ASAH1: variants seen among roughly 807,000 people sequenced by gnomAD.
ASAH1 encodes acid ceramidase.
ASAH1 carries 70 observed loss-of-function variants against 59.5 expected under a neutral mutation model. The observed-to-expected ratio is 1.18, with a 90% CI of 0.97 to 1.43. The LOEUF is 1.43. Ranked by LOEUF, ASAH1 falls within the 40% of genes most tolerant of loss-of-function variation. The probability of loss-of-function intolerance (pLI) is 0.00; values close to 1 mark genes in which losing one functional copy is unlikely to be tolerated. For synonymous variants in ASAH1, 213 were observed against 166.5 expected, an observed-to-expected ratio of 1.28 and a Z score of -2.15; for missense variants, 660 against 482.5, an observed-to-expected ratio of 1.37 and a Z score of -3.45.
chr8:18,064,130 T>C, intron 6 of ASAH1: 1 of 496,982 alleles, frequency 2.0e-6, no homozygotes, highest in East Asian at 3.2e-5. Flanking sequence ...TACACGAAGA[T>C]AAGGAAGCAC....
At chr8:18,062,670 A>T (rs889664197) in intron 7 of ASAH1, 3 of 516,380 alleles carry the variant, frequency 5.8e-6, no homozygotes, top group African/African-American at 1.9e-5. Context: ...TCAAACATAG[A>T]ATGCTAATTA....
intron 10 of ASAH1, 167 bp from the exon 11 acceptor site, chr8:18,059,870 A>G (rs774191110): frequency 1.1e-5 from 7 of 635,460 alleles, no homozygotes; most frequent in Non-Finnish European, 1.8e-5. Context: ...CCATCAACCC[A>G]TCATCTAAGT....
At chr8:18,064,771 T>C (rs1385494813) in intron 5 of ASAH1, 3 of 470,170 alleles carry the variant, frequency 6.4e-6, no homozygotes, top group South Asian at 3.4e-5. Flanking sequence ...CAGGTTGCAA[T>C]TGTTCTCCAA....
At chr8:18,069,454 C>G (rs1164568102) in intron 4 of ASAH1, 2 of 223,704 alleles carry the variant, frequency 8.9e-6, no homozygotes, top group African/African-American at 4.6e-5. Flanking sequence ...AAAAAAATCT[C>G]TGGATGTCCC....
At chr8:18,084,416 C>G, upstream of ASAH1, 2 of 1,387,588 alleles carry the variant, frequency 1.4e-6, no homozygotes, top group Non-Finnish European at 1.9e-6. Flanking sequence ...CCCGTGGCGC[C>G]TCGATGGGGC....
chr8:18,083,887 T>C lies in ASAH1; in HGVS notation c.78+94A>G, dbSNP rs944369294. On this transcript the variant is annotated intron_variant, in intron 1 of 13. Transcript: ENST00000637790. ...CGTAAAGAAGCTGCCCAGCACGAGG[T>C]GTTCCTTGTACCCGCTCGCGCCGCC... 6.3e-5 allele frequency: 97 copies of C among 1,534,616 alleles called. 1 individual carries two copies. In the East Asian group the frequency reaches 2.3e-3, roughly 36 times the overall value.
At chr8:18,080,549 C>G (rs542048715) in intron 1 of ASAH1, among the ~76,000 whole-genome samples, 102 of 152,118 alleles carry the variant, frequency 6.7e-4, no homozygotes, top group Non-Finnish European at 1.4e-3. Context: ...GTTCCACTTA[C>G]TCTCCTATTT....
intron 2 of ASAH1, chr8:18,073,422 G>T (rs1800257079): frequency 2.3e-6 from 2 of 871,898 alleles, no homozygotes; most frequent in African/African-American, 1.7e-5. Flanking sequence ...CAATGTCCAT[G>T]CCATTCATAA....
chr8:18,075,272 C>T (rs559333661), intron 2 of ASAH1, among the ~76,000 whole-genome samples: 4 of 152,248 alleles, frequency 2.6e-5, no homozygotes, highest in East Asian at 3.9e-4. Context: ...GGATTACAGG[C>T]GTGAGCCACC....
chr8:18,062,648 T>C lies in ASAH1; in HGVS notation c.504-225A>G, dbSNP rs759113229. Reference sequence around the variant, plus strand: ...TCAATATCACACAGCTTATAAATAGTGAGCCTCAGATTCAAACATAGAATG... The same window carrying C: ...TCAATATCACACAGCTTATAAATAGCGAGCCTCAGATTCAAACATAGAATG... On this transcript the variant is annotated intron_variant, in intron 7 of 13. Coordinates refer to ENST00000637790, the MANE Select transcript of ASAH1 (RefSeq NM_177924.5). 1.1e-4 allele frequency: 64 copies of C among 558,290 alleles called. 2 individuals carry two copies. Among genetic ancestry groups the C allele is most frequent in the Non-Finnish European group, 1.2e-4 (38 of 314,524 alleles). 34.6% of individuals were successfully genotyped at this position (558,290 alleles called of 1,614,324 possible). A position where few individuals can be genotyped will look rare whatever the true frequency, so the allele number is the denominator to read the frequency against.
chr8:18,081,938 G>C (rs4921837), intron 1 of ASAH1, among the ~76,000 whole-genome samples: 1 of 152,156 alleles, frequency 6.6e-6, no homozygotes, highest in Admixed American at 6.5e-5. Context: ...TGGCACAGGA[G>C]GGTCCAAATT....
In ASAH1 at chr8:18,064,492, G is replaced by T; in HGVS notation, c.422C>A (p.Thr141Asn). Reference sequence around the variant, plus strand: ...TTCTGCTACTATTGAAGTACAAATGGTAAATAATTCATAAAAAATATTGAA... The same window carrying T: ...TTCTGCTACTATTGAAGTACAAATGTTAAATAATTCATAAAAAATATTGAA... ...ISFNIFYELF[T>N]ICTSIVAEDK... The change falls in exon 6 of 14, where the codon ACC (threonine) becomes AAC (asparagine). Residue 141 changes from threonine to asparagine, a missense_variant. By Grantham distance (65) the Thr-to-Asn change is moderately conservative (BLOSUM62 0). Transcript: ENST00000637790. The T allele has an allele frequency of 6.3e-7, 1 of 1,580,744 alleles. No individual in the cohort carries two copies. The highest frequency in any genetic ancestry group is 8.7e-7 in the Non-Finnish European group (1 of 1,152,360).
chr8:18,080,066 G>C (rs954326124), intron 1 of ASAH1, among the ~76,000 whole-genome samples: 4 of 152,190 alleles, frequency 2.6e-5, no homozygotes, highest in African/African-American at 9.7e-5. Flanking sequence ...TAAGTGAATG[G>C]ATTACACCTG....
chr8:18,059,979 G>A (rs1468743545), intron 10 of ASAH1: 2 of 365,812 alleles, frequency 5.5e-6, no homozygotes, highest in East Asian at 6.5e-5. Context: ...CCCTCCCTGT[G>A]TTCACGTGTT....
chr8:18,058,465 C>A (rs1469452548), intron 13 of ASAH1: 5 of 207,060 alleles, frequency 2.4e-5, no homozygotes, highest in East Asian at 1.3e-4. Flanking sequence ...TAAGGGAAAC[C>A]CGAACCCACC....
intron 1 of ASAH1, among the ~76,000 whole-genome samples, chr8:18,081,039 T>C (rs1391858822): frequency 6.6e-6 from 1 of 152,196 alleles, no homozygotes; most frequent in Non-Finnish European, 1.5e-5. Context: ...CTCTTCTGAG[T>C]GCCAGTCCGA....
chr8:18,061,916 A>ATG (rs1799718594), intron 8 of ASAH1, 176 bp from the exon 9 acceptor site: 1 of 704,050 alleles, frequency 1.4e-6, no homozygotes, highest in Non-Finnish European at 2.5e-6. Flanking sequence ...TGATTCTAGT[A>ATG]TGTGAGATAA....
At chr8:18,080,545 C>T (rs1800609493) in intron 1 of ASAH1, among the ~76,000 whole-genome samples, 1 of 152,070 alleles carries the variant, frequency 6.6e-6, no homozygotes, top group African/African-American at 2.4e-5. Context: ...TCCTGTTCCA[C>T]TTACTCTCCT....
chr8:18,076,927 C>T (rs1800425903), intron 1 of ASAH1, among the ~76,000 whole-genome samples: 1 of 152,228 alleles, frequency 6.6e-6, no homozygotes. Flanking sequence ...TCACATATGT[C>T]TGGCTTTGTC....
Sources: allele counts gnomAD v4.1 joint callset (sites outside exome capture counted in the v4.1 genomes callset), GRCh38; gene constraint gnomAD v4.1.1; transcripts MANE v1.5; gene names NCBI Gene and HGNC (gene_info 2026-07-23, HGNC 2026-07-21).